FTO: variants seen among roughly 807,000 people sequenced by gnomAD.
FTO encodes the protein alpha-ketoglutarate-dependent dioxygenase FTO.
In FTO, 47 loss-of-function variants were observed where a neutral mutation model predicts 63.9. The ratio of observed to expected loss-of-function variants is 0.74; its 90% CI spans 0.58 to 0.94. The LOEUF is 0.94. Among genes scored for constraint, FTO ranks in the 40% least tolerant of loss-of-function variants. FTO has a pLI of 0.00. For missense variants in FTO, 562 were observed against 618.1 expected (o/e 0.91, Z 0.96); for synonymous variants, 207 against 224.4 (o/e 0.92, Z 0.69).
chr16:53,723,082 A>G (rs1490568272), intron 1 of FTO, among the ~76,000 whole-genome samples: 4 of 152,234 alleles, frequency 2.6e-5, no homozygotes, highest in African/African-American at 9.6e-5. Flanking sequence ...GCCCTTAGCT[A>G]ATCAAATAGT....
chr16:54,003,955 C>T lies in FTO; in HGVS notation c.1364+69846C>T, dbSNP rs114409808. The stretch of plus-strand genomic sequence containing the variant: ...GAACAGTACTCTCTGTCCTTTTAGT[C>T]CCTCAATTTTTGATAAGGTAAAATA... On this transcript the variant is annotated intron_variant, in intron 8 of 8. Transcript: ENST00000471389. Among the ~76,000 whole-genome samples the T allele has an allele frequency of 7.1e-3, 1,082 of 152,096 alleles. 9 individuals are homozygous for T. The highest frequency in any genetic ancestry group is 0.01 in the Non-Finnish European group (697 of 67,964).
chr16:53,743,226 A>G (rs1180019911), intron 1 of FTO, among the ~76,000 whole-genome samples: 1 of 152,156 alleles, frequency 6.6e-6, no homozygotes, highest in African/African-American at 2.4e-5. Context: ...AGTTAACATG[A>G]TTTGAAGCTT....
intron 1 of FTO, among the ~76,000 whole-genome samples, chr16:53,728,764 CT>C (rs368270837): frequency 8.7e-4 from 116 of 133,866 alleles, no homozygotes; most frequent in Admixed American, 7.6e-4. Context: ...GACCATACTT[CT>C]TTTTTTTTTT....
intron 5 of FTO, among the ~76,000 whole-genome samples, chr16:53,877,697 A>G (rs1051428029): frequency 3.3e-5 from 5 of 151,966 alleles, no homozygotes; most frequent in Non-Finnish European, 5.9e-5. Flanking sequence ...CTTGAATTTT[A>G]TGACGTGAAT....
At chr16:54,067,625 T>C (rs1444388042) in intron 8 of FTO, among the ~76,000 whole-genome samples, 1 of 152,198 alleles carries the variant, frequency 6.6e-6, no homozygotes, top group Non-Finnish European at 1.5e-5. Context: ...GACATAAAAA[T>C]TGCTCTCTAG....
At chr16:54,081,116 AT>A (rs1286943340) in intron 8 of FTO, among the ~76,000 whole-genome samples, 1 of 151,820 alleles carries the variant, frequency 6.6e-6, no homozygotes, top group African/African-American at 2.4e-5. Flanking sequence ...TCGCATCAAT[AT>A]TTTTTTTCAA....
At chr16:53,787,945 C>T (rs2077793738) in intron 1 of FTO, among the ~76,000 whole-genome samples, 1 of 152,142 alleles carries the variant, frequency 6.6e-6, no homozygotes, top group South Asian at 2.1e-4. Flanking sequence ...AGGATTGACC[C>T]TGTTCTCCTG....
chr16:53,739,021 C>T lies in FTO; in HGVS notation c.45+34792C>T, dbSNP rs138486076. On this transcript the variant is annotated intron_variant, in intron 1 of 8. Transcript: ENST00000471389. ...AAAATTTTTTGTAGAGATAGGGTCT[C>T]CCCATATGTTGCCCAAACTGGTCTC... 8.5e-5 allele frequency among the ~76,000 whole-genome samples: 13 copies of T among 152,108 alleles called. No homozygotes were observed. In the East Asian group the frequency reaches 2.1e-3, roughly 25 times the overall value.
At position 54,111,862 on chromosome 16, in the gene FTO, C is replaced by G. The variant is rs370137051; in HGVS notation, c.1465C>G (p.Leu489Val). 2 of 1,614,182 alleles carry G rather than the reference C, an allele frequency of 1.2e-6. No homozygotes were observed. The highest frequency in any genetic ancestry group is 1.7e-6 in the Non-Finnish European group (2 of 1,180,030). Residue 489 changes from leucine (L) to valine (V), a missense_variant, in exon 9 of 9, where the codon CTC becomes GTC. Leu to Val is a conservative substitution (Grantham distance 32). Transcript: ENST00000471389. The stretch of plus-strand genomic sequence containing the variant: ...TGCTTCGATGCCTCTGCCGTTTGAC[C>G]TCACAGACATCGTTTCAGAACTCAG... ...DDASMPLPFD[L>V]TDIVSELRGQ...
At chr16:53,840,492 A>C (rs1244463335) in intron 3 of FTO, among the ~76,000 whole-genome samples, 1 of 152,230 alleles carries the variant, frequency 6.6e-6, no homozygotes. Flanking sequence ...AGACTTTCGA[A>C]CAGGTGTTGG....
intron 1 of FTO, among the ~76,000 whole-genome samples, chr16:53,717,047 G>C (rs1468097022): frequency 2.0e-5 from 3 of 150,770 alleles, no homozygotes; most frequent in Non-Finnish European, 3.0e-5. Context: ...AATTCCAATT[G>C]TATAGTATTT....
chr16:53,933,552 G>C (rs1284734676), intron 7 of FTO, among the ~76,000 whole-genome samples: 1 of 152,176 alleles, frequency 6.6e-6, no homozygotes, highest in East Asian at 1.9e-4. Flanking sequence ...TCAAATAAGA[G>C]AGGCAGAGAA....
At chr16:53,750,048 G>T (rs2076747817) in intron 1 of FTO, among the ~76,000 whole-genome samples, 1 of 152,164 alleles carries the variant, frequency 6.6e-6, no homozygotes, top group African/African-American at 2.4e-5. Context: ...AGTCATGGAA[G>T]TAAAAGAATA....
At position 54,111,764 on chromosome 16, in the gene FTO, G is replaced by A; in HGVS notation, c.1367G>A (p.Cys456Tyr). Residue 456 changes from cysteine (C) to tyrosine (Y), a missense_variant and splice_region_variant, in exon 9 of 9, where the codon TGC (cysteine) becomes TAC (tyrosine). Cys to Tyr is a radical substitution (Grantham distance 194). Coordinates refer to ENST00000471389, the MANE Select transcript of FTO (RefSeq NM_001080432.3). ...QNLRREWHAR[C>Y]QSRIARTLPA... ...ATTTCCTATTTTTACTCTTCCAGGT[G>A]CCAGTCACGAATTGCCCGAACATTA... is the stretch of plus-strand genomic sequence containing the variant. 1 of 1,614,092 alleles carries A rather than the reference G, an allele frequency of 6.2e-7. No individual in the cohort carries two copies. The highest frequency in any genetic ancestry group is 8.5e-7 in the Non-Finnish European group (1 of 1,179,994).
intron 7 of FTO, among the ~76,000 whole-genome samples, chr16:53,894,970 C>G (rs1284764760): frequency 1.3e-5 from 2 of 152,018 alleles, no homozygotes; most frequent in Admixed American, 6.6e-5. Context: ...CTTTGAAAAT[C>G]TGGAAAAACG....
intron 1 of FTO, among the ~76,000 whole-genome samples, chr16:53,777,070 G>A (rs1434705282): frequency 6.6e-6 from 1 of 152,110 alleles, no homozygotes. Context: ...TCTTTGTGGT[G>A]AGAATACTTA....
chr16:53,737,203 A>G (rs1567942063), intron 1 of FTO, among the ~76,000 whole-genome samples: 1 of 152,144 alleles, frequency 6.6e-6, no homozygotes, highest in Non-Finnish European at 1.5e-5. Flanking sequence ...TGCATGGTGG[A>G]CACATTTTAT....
At chr16:53,758,583 C>T (rs989412142) in intron 1 of FTO, among the ~76,000 whole-genome samples, 3 of 152,182 alleles carry the variant, frequency 2.0e-5, no homozygotes, top group Non-Finnish European at 4.4e-5. Flanking sequence ...ACAAACTAAG[C>T]TTCTGCACAT....
At chr16:54,015,488 A>C (rs2144106101) in intron 8 of FTO, among the ~76,000 whole-genome samples, 1 of 152,322 alleles carries the variant, frequency 6.6e-6, no homozygotes, top group East Asian at 1.9e-4. Flanking sequence ...CTAACCAATA[A>C]AAAAATAAAG....
Sources: allele counts gnomAD v4.1 joint callset (sites outside exome capture counted in the v4.1 genomes callset), GRCh38; gene constraint gnomAD v4.1.1; transcripts MANE v1.5; gene names NCBI Gene and HGNC (gene_info 2026-07-23, HGNC 2026-07-21).